FNDC3B: variants seen among roughly 807,000 people sequenced by gnomAD.
FNDC3B encodes the protein fibronectin type III domain containing 3B.
FNDC3B carries 12 observed loss-of-function variants against 151.5 expected under a neutral mutation model. The observed-to-expected ratio is 0.08, with a 90% CI of 0.05 to 0.13. The LOEUF is 0.13. Among genes scored for constraint, FNDC3B ranks in the 10% least tolerant of loss-of-function variants. The pLI, the probability that FNDC3B is intolerant of heterozygous loss-of-function variation, is 1.00. For synonymous variants in FNDC3B, 528 were observed against 549.0 expected (o/e 0.96, Z 0.54); for missense variants, 1,214 against 1,505.3 (o/e 0.81, Z 3.20).
chr3:172,331,401 A>C (rs939401677), intron 13 of FNDC3B, among the ~76,000 whole-genome samples: 4 of 152,150 alleles, frequency 2.6e-5, no homozygotes, highest in Admixed American at 2.6e-4. Flanking sequence ...TCTGTCACCC[A>C]GGCTGGAGTG....
intron 3 of FNDC3B, among the ~76,000 whole-genome samples, chr3:172,218,136 A>G (rs1202145355): frequency 3.3e-3 from 46 of 14,026 alleles, no homozygotes; most frequent in African/African-American, 5.8e-3. Flanking sequence ...ACTTTCAGGA[A>G]AAAAAAAAAA....
chr3:172,366,688 A>G (rs1734635963), intron 23 of FNDC3B, among the ~76,000 whole-genome samples: 1 of 152,230 alleles, frequency 6.6e-6, no homozygotes, highest in Admixed American at 6.5e-5. Context: ...AGATTGACAC[A>G]TGCACAAGGT....
intron 25 of FNDC3B, among the ~76,000 whole-genome samples, chr3:172,392,164 G>A (rs1736043422): frequency 6.6e-6 from 1 of 152,162 alleles, no homozygotes; most frequent in Non-Finnish European, 1.5e-5. Context: ...TATTGGAACT[G>A]TGAGCAGTGA....
chr3:172,131,389 G>A (rs1322905906), intron 2 of FNDC3B, among the ~76,000 whole-genome samples: 16 of 146,856 alleles, frequency 1.1e-4, no homozygotes, highest in Admixed American at 8.2e-4. Flanking sequence ...GCGAAACTCC[G>A]TCTCAAGAAA....
intron 22 of FNDC3B, among the ~76,000 whole-genome samples, chr3:172,359,768 A>C (rs1734278118): frequency 6.6e-6 from 1 of 152,230 alleles, no homozygotes; most frequent in Middle Eastern, 3.2e-3. Context: ...TTTCAGTGTT[A>C]TACCGAGAGA....
chr3:172,251,595 A>C, intron 6 of FNDC3B, 54 bp downstream of exon 6: 1 of 1,486,784 alleles, frequency 6.7e-7, no homozygotes, highest in Non-Finnish European at 9.1e-7. Flanking sequence ...AGACATCTCA[A>C]ATGATGTTTC....
intron 9 of FNDC3B, among the ~76,000 whole-genome samples, chr3:172,306,684 G>T (rs1367443668): frequency 1.3e-5 from 2 of 152,184 alleles, no homozygotes; most frequent in South Asian, 2.1e-4. Context: ...GGCTTCTCTG[G>T]AGAAATCAAG....
At chr3:172,246,968 T>A (rs764036680) in intron 4 of FNDC3B, among the ~76,000 whole-genome samples, 1 of 152,204 alleles carries the variant, frequency 6.6e-6, no homozygotes, top group Non-Finnish European at 1.5e-5. Flanking sequence ...TCCTCAGTCC[T>A]AGATTAAGTA....
intron 2 of FNDC3B, among the ~76,000 whole-genome samples, chr3:172,114,738 A>C (rs1046123974): frequency 6.6e-6 from 1 of 152,178 alleles, no homozygotes; most frequent in Non-Finnish European, 1.5e-5. Context: ...AAACAAAAAC[A>C]AAAACCCGCA....
intron 1 of FNDC3B, among the ~76,000 whole-genome samples, chr3:172,070,118 A>G (rs1044684920): frequency 1.3e-5 from 2 of 152,204 alleles, no homozygotes; most frequent in Non-Finnish European, 2.9e-5. Context: ...AAGGTTGGCT[A>G]ACCTCTAATT....
At chr3:172,201,305 G>T (rs1725140222) in intron 3 of FNDC3B, among the ~76,000 whole-genome samples, 1 of 152,172 alleles carries the variant, frequency 6.6e-6, no homozygotes, top group Non-Finnish European at 1.5e-5. Flanking sequence ...CCTGCTTCTG[G>T]CTGCTCTCCA....
At chr3:172,330,234 A>G (rs976518147) in intron 12 of FNDC3B, 1 of 211,738 alleles carries the variant, frequency 4.7e-6, no homozygotes. Context: ...CTTGCTTATA[A>G]TATCCAATAT....
chr3:172,162,231 G>A (rs767893405), intron 3 of FNDC3B, among the ~76,000 whole-genome samples: 14 of 152,046 alleles, frequency 9.2e-5, no homozygotes, highest in Non-Finnish European at 1.5e-4. Context: ...CACCCACTTC[G>A]GCTTCCCAAA....
At chr3:172,341,008 A>G in intron 16 of FNDC3B, 105 bp from the exon 17 acceptor site, 2 of 759,614 alleles carry the variant, frequency 2.6e-6, no homozygotes, top group Non-Finnish European at 4.7e-6. Context: ...AAGAAAAAGA[A>G]GATGTTGGTT....
intron 3 of FNDC3B, among the ~76,000 whole-genome samples, chr3:172,148,255 T>C (rs888879903): frequency 2.0e-5 from 3 of 152,222 alleles, no homozygotes; most frequent in Middle Eastern, 3.4e-3. Flanking sequence ...AGGAAACTTA[T>C]AAAAAATATG....
intron 1 of FNDC3B, among the ~76,000 whole-genome samples, chr3:172,059,526 T>C (rs1717084449): frequency 6.6e-6 from 1 of 152,006 alleles, no homozygotes; most frequent in Non-Finnish European, 1.5e-5. Flanking sequence ...GATTGAGAAT[T>C]TAGGTTTGAA....
chr3:172,056,652 T>G (rs141630563), intron 1 of FNDC3B, among the ~76,000 whole-genome samples: 60 of 152,374 alleles, frequency 3.9e-4, no homozygotes, highest in African/African-American at 1.3e-3. Flanking sequence ...CTCAACGTAG[T>G]GTTTTGAACT....
At chr3:172,276,258 T>C (rs1166431229) in intron 6 of FNDC3B, among the ~76,000 whole-genome samples, 1 of 152,170 alleles carries the variant, frequency 6.6e-6, no homozygotes, top group African/African-American at 2.4e-5. Flanking sequence ...ATTAGAATAT[T>C]TAACAGGTGT....
intron 4 of FNDC3B, among the ~76,000 whole-genome samples, chr3:172,236,927 G>A (rs1447933017): frequency 6.6e-6 from 1 of 152,178 alleles, no homozygotes; most frequent in Non-Finnish European, 1.5e-5. Flanking sequence ...TTGGACAGTA[G>A]CACCTGGAAA....
Sources: gnomAD v4.1 joint callset for allele counts (sites outside exome capture counted in the v4.1 genomes callset) on GRCh38, gnomAD v4.1.1 for gene constraint, MANE v1.5 for transcripts, NCBI Gene and HGNC (gene_info 2026-07-23, HGNC 2026-07-21) for gene names.